Variants in OTUD7A observed in about 807,000 individuals in gnomAD.
OTUD7A encodes OTU domain-containing protein 7A.
In OTUD7A, 12 loss-of-function variants were observed where a neutral mutation model predicts 65.7. The observed-to-expected ratio is 0.18, with a 90% confidence interval of 0.12 to 0.30. The LOEUF is 0.30. Among genes scored for constraint, OTUD7A ranks in the 10% least tolerant of loss-of-function variants. The pLI is 1.00. For missense variants in OTUD7A, 1,148 were observed against 1,304.8 expected (o/e 0.88, Z 1.85); for synonymous variants, 641 against 586.3 (o/e 1.09, Z -1.35).
At chr15:31,753,643 T>A (rs200301306) in intron 1 of OTUD7A, among the ~76,000 whole-genome samples, 1 of 145,582 alleles carries the variant, frequency 6.9e-6, no homozygotes, top group Non-Finnish European at 1.5e-5. Flanking sequence ...TTCCTTTTTA[T>A]GACTGAGTAG....
chr15:31,530,861 G>A, intron 5 of OTUD7A, 53 bp from the exon 6 acceptor site: 1 of 1,486,316 alleles, frequency 6.7e-7, no homozygotes, highest in East Asian at 2.3e-5. Context: ...AGGGGCCACT[G>A]GGGGTGTTTG....
chr15:31,828,709 C>CT (rs1392149067), intron 1 of OTUD7A, among the ~76,000 whole-genome samples: 3 of 152,114 alleles, frequency 2.0e-5, no homozygotes, highest in Non-Finnish European at 4.4e-5. Context: ...CCAATCTGTA[C>CT]TTTTTTCTGT....
intron 4 of OTUD7A, among the ~76,000 whole-genome samples, chr15:31,560,927 C>T (rs1888667967): frequency 6.6e-6 from 1 of 152,208 alleles, no homozygotes; most frequent in African/African-American, 2.4e-5. Flanking sequence ...GAGCACTGGA[C>T]AGAAATGGCA....
intron 3 of OTUD7A, among the ~76,000 whole-genome samples, chr15:31,644,161 C>A (rs1181106306): frequency 6.6e-6 from 1 of 152,000 alleles, no homozygotes; most frequent in Non-Finnish European, 1.5e-5. Flanking sequence ...GCAGATGGCA[C>A]ACCTGGGGTT....
chr15:31,815,979 A>C (rs924364135), intron 1 of OTUD7A, among the ~76,000 whole-genome samples: 1 of 152,180 alleles, frequency 6.6e-6, no homozygotes. Flanking sequence ...CTCCTCCCTC[A>C]GCCAACAGTG....
chr15:31,796,367 G>A (rs1015980052), intron 1 of OTUD7A, among the ~76,000 whole-genome samples: 1 of 152,150 alleles, frequency 6.6e-6, no homozygotes, highest in Non-Finnish European at 1.5e-5. Flanking sequence ...TACTGCAGCT[G>A]GAGTCTGAAG....
chr15:31,839,339 T>C (rs1349886512), intron 1 of OTUD7A, among the ~76,000 whole-genome samples: 110 of 152,172 alleles, frequency 7.2e-4, no homozygotes, highest in Non-Finnish European at 1.8e-4. Flanking sequence ...CACATTCCCA[T>C]TTCTTCTTCT....
At chr15:31,743,003 T>C (rs928674429) in intron 1 of OTUD7A, among the ~76,000 whole-genome samples, 3 of 152,064 alleles carry the variant, frequency 2.0e-5, no homozygotes, top group African/African-American at 7.2e-5. Context: ...TCCATAACCA[T>C]AGTGGATGAT....
intron 1 of OTUD7A, among the ~76,000 whole-genome samples, chr15:31,738,652 C>T (rs573071079): frequency 1.3e-5 from 2 of 152,320 alleles, no homozygotes; most frequent in South Asian, 2.1e-4. Context: ...CCTGTACATG[C>T]ACACGCTGCT....
At chr15:31,504,035 G>C (rs1200382973) in intron 8 of OTUD7A, among the ~76,000 whole-genome samples, 1 of 152,242 alleles carries the variant, frequency 6.6e-6, no homozygotes, top group Non-Finnish European at 1.5e-5. Context: ...AGCGGTCTCA[G>C]AAGATGAGTT....
At chr15:31,659,416 C>A (rs1892094103) in intron 1 of OTUD7A, among the ~76,000 whole-genome samples, 1 of 152,202 alleles carries the variant, frequency 6.6e-6, no homozygotes, top group Admixed American at 6.5e-5. Flanking sequence ...TGGCACACAG[C>A]AGGGCCAACT....
At chr15:31,622,073 AC>A in intron 3 of OTUD7A, among the ~76,000 whole-genome samples, 1 of 152,192 alleles carries the variant, frequency 6.6e-6, no homozygotes, top group Non-Finnish European at 1.5e-5. Context: ...CTTTTCTTTA[AC>A]AATGTTGAAT....
intron 1 of OTUD7A, among the ~76,000 whole-genome samples, chr15:31,753,702 T>TTGA (rs1894712468): frequency 9.0e-5 from 1 of 11,172 alleles, no homozygotes; most frequent in South Asian, 0.014. Flanking sequence ...TATATATATA[T>TTGA]TATATATATA....
intron 1 of OTUD7A, among the ~76,000 whole-genome samples, chr15:31,786,864 C>T (rs546555719): frequency 3.0e-4 from 45 of 152,260 alleles, no homozygotes; most frequent in African/African-American, 9.6e-4. Flanking sequence ...AGACTGTAAC[C>T]GCCCCCCTTC....
chr15:31,735,715 T>C (rs1894171175), intron 1 of OTUD7A, among the ~76,000 whole-genome samples: 1 of 152,186 alleles, frequency 6.6e-6, no homozygotes, highest in African/African-American at 2.4e-5. Context: ...ACTGGGTATA[T>C]ACCCAAAGCA....
At chr15:31,613,084 C>A (rs745467081) in intron 3 of OTUD7A, among the ~76,000 whole-genome samples, 8 of 151,870 alleles carry the variant, frequency 5.3e-5, no homozygotes, top group Non-Finnish European at 1.2e-4. Flanking sequence ...CGATAACTGG[C>A]TAGCCACATG....
intron 8 of OTUD7A, among the ~76,000 whole-genome samples, chr15:31,504,399 C>G (rs1363817727): frequency 6.6e-6 from 1 of 152,226 alleles, no homozygotes; most frequent in Non-Finnish European, 1.5e-5. Context: ...GGCCCAGACC[C>G]TCCCTGACCA....
chr15:31,569,737 C>T (rs940290933), intron 4 of OTUD7A, among the ~76,000 whole-genome samples: 1 of 152,190 alleles, frequency 6.6e-6, no homozygotes, highest in South Asian at 2.1e-4. Context: ...TCTGAAAAAA[C>T]CAAGACTCCA....
chr15:31,725,200 G>C (rs1174711054), intron 1 of OTUD7A, among the ~76,000 whole-genome samples: 1 of 152,224 alleles, frequency 6.6e-6, no homozygotes, highest in Non-Finnish European at 1.5e-5. Flanking sequence ...GGCCAGGAGA[G>C]TAGGAGATGA....
Sources: allele counts gnomAD v4.1 joint callset (sites outside exome capture counted in the v4.1 genomes callset), GRCh38; gene constraint gnomAD v4.1.1; transcripts MANE v1.5; gene names NCBI Gene and HGNC (gene_info 2026-07-23, HGNC 2026-07-21).